Variants in SOD2 observed in about 807,000 individuals in gnomAD.
SOD2 encodes the protein superoxide dismutase [Mn], mitochondrial.
Under a neutral mutation model 27.0 loss-of-function variants are expected in SOD2, and 11 were observed. The observed-to-expected ratio is 0.41, with a 90% CI of 0.26 to 0.67. The LOEUF (loss-of-function observed/expected upper bound fraction) is 0.67, where lower values mean the gene tolerates loss of function less well. Among genes scored for constraint, SOD2 ranks in the 30% least tolerant of loss-of-function variants. The pLI is 0.34. For missense variants in SOD2, 250 were observed against 274.5 expected, an observed-to-expected ratio of 0.91 and a Z score of 0.63; for synonymous variants, 105 against 103.0, an observed-to-expected ratio of 1.02 and a Z score of -0.12.
intron 1 of SOD2, among the ~76,000 whole-genome samples, chr6:159,701,479 G>A (rs963085558): frequency 2.6e-5 from 4 of 151,746 alleles, no homozygotes; most frequent in Admixed American, 6.6e-5. Context: ...GCTGAGGCCC[G>A]AGGATCACCT....
At chr6:159,695,548 A>T (rs762951588), upstream of SOD2, among the ~76,000 whole-genome samples, 32 of 152,142 alleles carry the variant, frequency 2.1e-4, no homozygotes, top group Non-Finnish European at 3.8e-4. Flanking sequence ...CCCAGGCTGG[A>T]GTGCAGCGGC....
At chr6:159,684,256 TTTTTA>T (rs1780084521) in intron 4 of SOD2, among the ~76,000 whole-genome samples, 1 of 152,164 alleles carries the variant, frequency 6.6e-6, no homozygotes, top group African/African-American at 2.4e-5. Context: ...GCTAATTTTT[TTTTTA>T]TTTTAGTACA....
At chr6:159,741,446 A>T (rs1264999327) in intron 1 of SOD2, 1 of 152,228 alleles carries the variant, frequency 6.6e-6, no homozygotes, top group Admixed American at 6.5e-5. Flanking sequence ...CTACATAATG[A>T]GGCACATTTC....
intron 1 of SOD2, among the ~76,000 whole-genome samples, chr6:159,754,832 A>C (rs1202215774): frequency 2.0e-5 from 3 of 152,150 alleles, no homozygotes; most frequent in Non-Finnish European, 4.4e-5. Context: ...ATATTATTTT[A>C]AGTATCTGAC....
intron 4 of SOD2, among the ~76,000 whole-genome samples, chr6:159,682,933 G>A (rs976898078): frequency 2.6e-5 from 4 of 152,070 alleles, no homozygotes; most frequent in Non-Finnish European, 5.9e-5. Context: ...ATTAATTCAA[G>A]AGCCAATTCC....
At chr6:159,712,398 T>C (rs1205809034) in intron 1 of SOD2, among the ~76,000 whole-genome samples, 11 of 84,884 alleles carry the variant, frequency 1.3e-4, no homozygotes, top group East Asian at 3.4e-4. Flanking sequence ...TAACCACCAC[T>C]CACACTGCTC....
At chr6:159,717,204 T>A (rs1777936214) in intron 1 of SOD2, among the ~76,000 whole-genome samples, 1 of 152,192 alleles carries the variant, frequency 6.6e-6, no homozygotes, top group Non-Finnish European at 1.5e-5. Flanking sequence ...GTTACCTCTG[T>A]TGACCAACAG....
intron 1 of SOD2, among the ~76,000 whole-genome samples, chr6:159,758,946 A>C (rs1780068535): frequency 6.6e-6 from 1 of 152,148 alleles, no homozygotes; most frequent in African/African-American, 2.4e-5. Context: ...GCACTGCTGT[A>C]ATGATGGCTC....
At chr6:159,748,408 A>G (rs765736170), upstream of SOD2, 1 of 1,607,912 alleles carries the variant, frequency 6.2e-7, no homozygotes, top group African/African-American at 1.3e-5. This position sits in a 1 kb window ranked among gnomAD's most constrained non-coding sequence, Gnocchi z 5.6. Flanking sequence ...CTTCCCTGAC[A>G]GTCCCACTAC....
chr6:159,704,725 C>A (rs945209761), intron 1 of SOD2, among the ~76,000 whole-genome samples: 4 of 152,230 alleles, frequency 2.6e-5, no homozygotes, highest in Admixed American at 2.6e-4. Context: ...CAAAAGGCAG[C>A]AGAAACCTCT....
chr6:159,697,469 T>C (rs1462593110), upstream of SOD2, among the ~76,000 whole-genome samples: 1 of 152,196 alleles, frequency 6.6e-6, no homozygotes, highest in East Asian at 1.9e-4. Flanking sequence ...AAGGTTTCAA[T>C]GTGAGCTTAA....
intron 1 of SOD2, chr6:159,755,151 C>G (rs973976887): frequency 6.2e-7 from 1 of 1,614,046 alleles, no homozygotes; most frequent in Admixed American, 1.7e-5. Flanking sequence ...CAGCAGCAGT[C>G]TCAGGCCTCT....
intron 3 of SOD2, among the ~76,000 whole-genome samples, chr6:159,687,061 T>C (rs1200822899): frequency 1.3e-5 from 2 of 152,056 alleles, no homozygotes; most frequent in Non-Finnish European, 2.9e-5. Flanking sequence ...TAGGAAAGAG[T>C]GAAAAATAGC....
intron 1 of SOD2, among the ~76,000 whole-genome samples, chr6:159,702,280 C>T (rs1225526446): frequency 6.6e-6 from 1 of 151,746 alleles, no homozygotes; most frequent in Non-Finnish European, 1.5e-5. Context: ...CAAAGCAAGA[C>T]CCTGTCTGTA....
intron 1 of SOD2, among the ~76,000 whole-genome samples, chr6:159,740,532 C>A (rs991005261): frequency 6.6e-6 from 1 of 152,072 alleles, no homozygotes; most frequent in Admixed American, 6.5e-5. Flanking sequence ...ATAAATCGTT[C>A]TTTTATAGCC....
rs1237607691 is a variant in SOD2 at position 159,680,531 on chromosome 6, C to G, written c.*1962G>C. Reference sequence around the variant, plus strand: ...TAAACTTCAGTCTTCAATATTGAAACTGCTAAGTTACCCCATTTTTCCATG... The same window carrying G: ...TAAACTTCAGTCTTCAATATTGAAAGTGCTAAGTTACCCCATTTTTCCATG... On this transcript the variant is annotated 3_prime_UTR_variant, in exon 5 of 5. Transcript: ENST00000538183. The G allele has an allele frequency of 6.6e-6, 1 of 151,258 alleles. No individual in the cohort carries two copies. Among genetic ancestry groups the G allele is most frequent in the East Asian group, 1.9e-4 (1 of 5,184 alleles). The allele number at this position is 151,258 out of a possible 1,614,324, so 9.4% of individuals were successfully genotyped here. A position where few individuals can be genotyped will look rare whatever the true frequency, so the allele number is the denominator to read the frequency against.
At chr6:159,729,593 A>G (rs949186438), upstream of SOD2, among the ~76,000 whole-genome samples, 2 of 152,186 alleles carry the variant, frequency 1.3e-5, no homozygotes, top group South Asian at 2.1e-4. Flanking sequence ...TAGCATTTTT[A>G]TTGTGCTGAA....
intron 1 of SOD2, among the ~76,000 whole-genome samples, chr6:159,706,074 T>C (rs1275641434): frequency 6.6e-6 from 1 of 151,978 alleles, no homozygotes; most frequent in African/African-American, 2.4e-5. Flanking sequence ...TGCTGAGAGA[T>C]TTTGTCACCA....
At chr6:159,754,273 GAATT>G (rs1779925159) in intron 1 of SOD2, among the ~76,000 whole-genome samples, 1 of 152,122 alleles carries the variant, frequency 6.6e-6, no homozygotes, top group Non-Finnish European at 1.5e-5. Flanking sequence ...AAATCTTCAG[GAATT>G]ATTTCCTGTG....
Sources: gnomAD v4.1 joint callset for allele counts (sites outside exome capture counted in the v4.1 genomes callset) on GRCh38, gnomAD v4.1.1 for gene constraint, Gnocchi (gnomAD v3.1) non-coding constraint, MANE v1.5 for transcripts, NCBI Gene and HGNC (gene_info 2026-07-23, HGNC 2026-07-21) for gene names.